Variants in DLGAP2 observed in about 807,000 individuals in gnomAD.
DLGAP2 encodes the protein DLG associated protein 2.
DLGAP2 carries 26 observed loss-of-function variants against 100.3 expected under a neutral mutation model. The observed-to-expected ratio is 0.26, with a 90% CI of 0.19 to 0.36. The LOEUF is 0.36. Among genes scored for constraint, DLGAP2 ranks in the 10% least tolerant of loss-of-function variants. The pLI is 1.00. For synonymous variants in DLGAP2, 886 were observed against 630.1 expected (o/e 1.41, Z -6.08); for missense variants, 1,858 against 1,453.2 (o/e 1.28, Z -4.53).
At chr8:1,260,583 C>T (rs187309466) in intron 3 of DLGAP2, among the ~76,000 whole-genome samples, 13 of 151,690 alleles carry the variant, frequency 8.6e-5, no homozygotes, top group African/African-American at 2.9e-4. Flanking sequence ...CCCCGGAGTC[C>T]TGGCTCAGGG....
Position 1,527,033 on chromosome 8 carries a change from G to A in DLGAP2, c.173-21593G>A, listed in dbSNP as rs550026155. Among the ~76,000 whole-genome samples, 6 of 152,230 alleles carry A rather than the reference G, an allele frequency of 3.9e-5. No homozygotes were observed. In the East Asian group the frequency reaches 7.7e-4, roughly 20 times the overall value. On this transcript the variant is annotated intron_variant, in intron 4 of 14. Coordinates refer to ENST00000637795, the MANE Select transcript of DLGAP2 (RefSeq NM_001346810.2). ...CGCATCGTCTACATTGCAGGCTCAC[G>A]TTCACATGCCCTATCCAACCCTCTC...
At chr8:1,097,064 C>T (rs368644746) in intron 2 of DLGAP2, among the ~76,000 whole-genome samples, 4 of 129,866 alleles carry the variant, frequency 3.1e-5, no homozygotes, top group South Asian at 2.6e-4. Context: ...TGGAGAGGTC[C>T]CCTCCAGTGT....
At chr8:1,216,668 A>G (rs1392744146) in intron 2 of DLGAP2, among the ~76,000 whole-genome samples, 1 of 152,014 alleles carries the variant, frequency 6.6e-6, no homozygotes, top group Non-Finnish European at 1.5e-5. Flanking sequence ...ATAAGTATTT[A>G]TCTAGTTTTT....
chr8:1,542,239 C>T (rs775465011), intron 4 of DLGAP2, among the ~76,000 whole-genome samples: 6 of 152,178 alleles, frequency 3.9e-5, no homozygotes, highest in Non-Finnish European at 7.3e-5. Flanking sequence ...TTATTTTATT[C>T]GAGCTTTATG....
chr8:979,204 C>T (rs535673281), intron 2 of DLGAP2, among the ~76,000 whole-genome samples: 15 of 152,288 alleles, frequency 9.8e-5, no homozygotes, highest in South Asian at 6.2e-4. Context: ...CATAATGGCA[C>T]CTAACATCTC....
Position 1,352,252 on chromosome 8 carries a change from T to C in DLGAP2, c.106+93369T>C, listed in dbSNP as rs13274613. On this transcript the variant is annotated intron_variant, in intron 3 of 14. Transcript: ENST00000637795. ...CCTGACTGTGTTTGGAAAGGCCGTG[T>C]GGGTCCTGATCGTGTGTGGAAAGGA... Among the ~76,000 whole-genome samples, 97 of 73,814 alleles carry C rather than the reference T, an allele frequency of 1.3e-3. 7 individuals are homozygous for C. Among genetic ancestry groups the C allele is most frequent in the South Asian group, 3.1e-3 (6 of 1,928 alleles). 48.4% of individuals were successfully genotyped at this position (73,814 alleles called of 152,430 possible).
chr8:1,644,286 G>A (rs925683501), intron 8 of DLGAP2, among the ~76,000 whole-genome samples: 7 of 152,172 alleles, frequency 4.6e-5, no homozygotes, highest in African/African-American at 7.2e-5. Context: ...CAAGAGCCTC[G>A]TCTCGGCTCT....
At chr8:1,199,865 T>C (rs1797832149) in intron 2 of DLGAP2, among the ~76,000 whole-genome samples, 1 of 152,088 alleles carries the variant, frequency 6.6e-6, no homozygotes, top group Admixed American at 6.5e-5. Context: ...TCATCGGCTG[T>C]GTCACTGGGT....
chr8:1,008,864 G>C (rs1196258730), intron 2 of DLGAP2, among the ~76,000 whole-genome samples: 2 of 152,260 alleles, frequency 1.3e-5, no homozygotes, highest in South Asian at 4.1e-4. Flanking sequence ...CGCCCAGGCA[G>C]CTCCGAACAT....
intron 2 of DLGAP2, among the ~76,000 whole-genome samples, chr8:958,344 A>T (rs1294949659): frequency 2.0e-5 from 3 of 152,110 alleles, no homozygotes; most frequent in Non-Finnish European, 4.4e-5. Flanking sequence ...GTGAATAGTC[A>T]ACAGTGGACA....
chr8:780,176 C>T (rs1286859220), intron 1 of DLGAP2, among the ~76,000 whole-genome samples: 1 of 152,182 alleles, frequency 6.6e-6, no homozygotes, highest in African/African-American at 2.4e-5. Context: ...GCCTGGCCCT[C>T]ACTGTTCTAC....
chr8:1,415,586 A>G (rs1353863845), intron 3 of DLGAP2, among the ~76,000 whole-genome samples: 4 of 152,150 alleles, frequency 2.6e-5, no homozygotes, highest in African/African-American at 9.6e-5. Flanking sequence ...TCCTGTGGTA[A>G]TTCACTTGGG....
intron 2 of DLGAP2, among the ~76,000 whole-genome samples, chr8:1,038,323 A>G (rs1221565546): frequency 2.6e-5 from 4 of 152,244 alleles, no homozygotes; most frequent in East Asian, 1.9e-4. Context: ...ATTATGGGCA[A>G]TTTGGTCCAG....
chr8:1,669,105 A>G (rs1243990804), intron 9 of DLGAP2, among the ~76,000 whole-genome samples: 1 of 152,166 alleles, frequency 6.6e-6, no homozygotes, highest in Non-Finnish European at 1.5e-5. Flanking sequence ...GGGAAACCAA[A>G]AGGTGCTGGG....
At chr8:1,485,165 A>T (rs1288054470) in intron 3 of DLGAP2, among the ~76,000 whole-genome samples, 1 of 152,218 alleles carries the variant, frequency 6.6e-6, no homozygotes, top group Non-Finnish European at 1.5e-5. Flanking sequence ...CTGCCCTGTC[A>T]TTTTCCATAA....
At chr8:1,214,883 G>A (rs1352418515) in intron 2 of DLGAP2, among the ~76,000 whole-genome samples, 1 of 152,212 alleles carries the variant, frequency 6.6e-6, no homozygotes, top group Non-Finnish European at 1.5e-5. Flanking sequence ...CACATTTGTG[G>A]CCATAACCTG....
chr8:1,340,214 A>G (rs1310620372), intron 3 of DLGAP2, among the ~76,000 whole-genome samples: 2 of 152,252 alleles, frequency 1.3e-5, no homozygotes, highest in East Asian at 3.8e-4. Context: ...AGCAATGGCA[A>G]CAAAAGCAAA....
chr8:1,583,338 C>T (rs934271498), intron 6 of DLGAP2, among the ~76,000 whole-genome samples: 3 of 152,134 alleles, frequency 2.0e-5, no homozygotes, highest in Non-Finnish European at 4.4e-5. Context: ...AAGACGGGCT[C>T]AGATATTCCT....
intron 1 of DLGAP2, among the ~76,000 whole-genome samples, chr8:764,080 G>A (rs1039110869): frequency 1.4e-4 from 22 of 152,168 alleles, no homozygotes; most frequent in African/African-American, 5.3e-4. Flanking sequence ...TTTAGTTTTT[G>A]TGGTTTAAAT....
Sources: allele counts gnomAD v4.1 joint callset (sites outside exome capture counted in the v4.1 genomes callset), GRCh38; gene constraint gnomAD v4.1.1; transcripts MANE v1.5; gene names NCBI Gene and HGNC (gene_info 2026-07-23, HGNC 2026-07-21).